The following NEB variants were observed in gnomAD, a reference collection of about 807,000 sequenced individuals.
NEB encodes the protein nebulin.
NEB carries 512 observed loss-of-function variants against 952.2 expected under a neutral mutation model. That is an observed-to-expected ratio of 0.54 (90% CI 0.50 to 0.58). The LOEUF (loss-of-function observed/expected upper bound fraction) is 0.58, where lower values mean the gene tolerates loss of function less well. Among genes scored for constraint, NEB ranks in the 20% least tolerant of loss-of-function variants. NEB has a pLI of 0.00. For missense variants in NEB, 8,428 were observed against 9,231.1 expected, an observed-to-expected ratio of 0.91 and a Z score of 3.56; for synonymous variants, 2,900 against 3,149.8, an observed-to-expected ratio of 0.92 and a Z score of 2.66.
chr2:151,520,224 A>G (rs563513307), intron 153 of NEB, among the ~76,000 whole-genome samples: 1 of 152,174 alleles, frequency 6.6e-6, no homozygotes, highest in African/African-American at 2.4e-5. Flanking sequence ...AATTAGGAGA[A>G]TTTATTGTTA....
Position 151,678,095 on chromosome 2 carries a change from G to A in NEB, c.3348C>T (p.Asn1116=), listed in dbSNP as rs149162847. Residue 1116 remains asparagine (N), a synonymous_variant, in exon 33 of 182, where the codon AAC becomes AAT. Coordinates refer to ENST00000397345, the MANE Select transcript of NEB (RefSeq NM_001164508.2). ...QDDPKLVHYM[N]VAKIQSDREY... ...CCCGATCTGATTGTATCTTGGCCAC[G>A]TTCATATAATGAACCAGTTTAGGGT... The A allele has an allele frequency of 8.1e-4, 1,306 of 1,613,634 alleles. 13 individuals are homozygous for A. The East Asian group carries it at 0.026, about 32-fold the overall frequency.
At chr2:151,560,035 G>A (rs779173202) in intron 124 of NEB, among the ~76,000 whole-genome samples, 2 of 152,136 alleles carry the variant, frequency 1.3e-5, no homozygotes, top group Non-Finnish European at 2.9e-5. Flanking sequence ...GTTAGAGGAT[G>A]TATGATCTTC....
rs371102558 is a variant in NEB, at chr2:151,610,844, T to C, written c.11828A>G (p.Asp3943Gly). Residue 3943 changes from aspartate to glycine, a missense_variant, in exon 79 of 182, where the codon GAT (aspartate) becomes GGT (glycine). Around this residue, in one of 11 missense-constraint regions of NEB, gnomAD observed 337 missense variants for 297.5 expected, o/e 1.13. Coordinates refer to ENST00000397345, the MANE Select transcript of NEB (RefSeq NM_001164508.2). ...CACGTGGATGGAGGTTTTGTCAGCA[T>C]CCCAAGCTTCTGTGTATAAATGCTA... ...MSKHLYTEAW[D>G]ADKTSIHVMP... 12 of 1,597,928 alleles carry C rather than the reference T, an allele frequency of 7.5e-6. No homozygotes were observed. The highest frequency in any genetic ancestry group is 1.0e-5 in the Non-Finnish European group (12 of 1,171,528).
intron 28 of NEB, 89 bp downstream of exon 28, chr2:151,684,689 T>C (rs1280587914): frequency 1.6e-6 from 2 of 1,271,126 alleles, no homozygotes; most frequent in South Asian, 1.6e-5. Flanking sequence ...CAGATACCTC[T>C]AAGAAGTGCA....
rs2091373254 is a variant in NEB, at chr2:151,531,988, T to C, written c.21418-92A>G. ...CCTCTTGAAACACCAGAGTGGGAGATGGTATCTAGCTTTCTCTTTAATTCC... is the reference window on the plus strand; with the variant it reads ...CCTCTTGAAACACCAGAGTGGGAGACGGTATCTAGCTTTCTCTTTAATTCC... On this transcript the variant is annotated intron_variant, in intron 143 of 181. Coordinates refer to ENST00000397345, the MANE Select transcript of NEB (RefSeq NM_001164508.2). 8.2e-6 allele frequency: 6 copies of C among 727,426 alleles called. No individual in the cohort carries two copies. The Admixed American group carries it at 1.1e-4, about 13-fold the overall frequency. 45.1% of individuals were successfully genotyped at this position (727,426 alleles called of 1,614,324 possible). A position where few individuals can be genotyped will look rare whatever the true frequency, so the allele number is the denominator to read the frequency against.
At chr2:151,691,364 T>A (rs2099549070) in intron 23 of NEB, among the ~76,000 whole-genome samples, 1 of 152,212 alleles carries the variant, frequency 6.6e-6, no homozygotes, top group Non-Finnish European at 1.5e-5. Context: ...CCAGTCACTG[T>A]CTCACACATT....
At chr2:151,534,167 C>T (rs746524043) in intron 142 of NEB, 3 of 1,357,770 alleles carry the variant, frequency 2.2e-6, no homozygotes, top group Non-Finnish European at 3.1e-6. Flanking sequence ...TCATGAGAAA[C>T]TGGGAGCACA....
chr2:151,549,922 C>A (rs1043062849), intron 129 of NEB, among the ~76,000 whole-genome samples, 182 bp from the exon 130 acceptor site: 3 of 152,158 alleles, frequency 2.0e-5, no homozygotes, highest in African/African-American at 7.2e-5. Flanking sequence ...AGTCAGATTA[C>A]TCTTCACCTA....
At chr2:151,503,531 A>G (rs2066378054) in intron 165 of NEB, 90 bp from the exon 166 acceptor site, 2 of 786,364 alleles carry the variant, frequency 2.5e-6, no homozygotes, top group Non-Finnish European at 4.3e-6. Flanking sequence ...GGGGAAACTC[A>G]TAAAAACAAT....
chr2:151,535,725 C>G lies in NEB; in HGVS notation c.21278G>C (p.Arg7093Thr), dbSNP rs1401505228. The G allele has an allele frequency of 6.2e-7, 1 of 1,609,374 alleles. No individual in the cohort carries two copies. Among genetic ancestry groups the G allele is most frequent in the Non-Finnish European group, 8.5e-7 (1 of 1,177,454 alleles). Residue 7093 changes from arginine to threonine, a missense_variant, in exon 142 of 182, where the codon AGG becomes ACG. Physicochemically the swap from Arg to Thr is moderately conservative, Grantham distance 71. This residue lies in a region of NEB where 3,374 missense variants were observed against 3,651.5 expected (regional missense o/e 0.92). Coordinates refer to ENST00000397345, the MANE Select transcript of NEB (RefSeq NM_001164508.2). Reference sequence around the variant, plus strand: ...CAATTGAGTTGCATACTTGAAATGCCTATTGATCGGAGAGTCGGCAACATA... The same window carrying G: ...CAATTGAGTTGCATACTTGAAATGCGTATTGATCGGAGAGTCGGCAACATA... ...FKYVADSPIN[R>T]HFKYATQLMN...
At chr2:151,695,471 C>A in intron 18 of NEB, 107 bp downstream of exon 18, 1 of 785,444 alleles carries the variant, frequency 1.3e-6, no homozygotes, top group Non-Finnish European at 2.1e-6. Context: ...GTTAACAGTT[C>A]TTCTCATTTT....
intron 32 of NEB, among the ~76,000 whole-genome samples, chr2:151,678,946 A>G (rs1449323992): frequency 6.6e-6 from 1 of 152,188 alleles, no homozygotes; most frequent in African/African-American, 2.4e-5. Context: ...AATTTCAAAC[A>G]ATCAGTAAAG....
intron 109 of NEB, among the ~76,000 whole-genome samples, 172 bp from the exon 110 acceptor site, chr2:151,569,544 G>A (rs116584331): frequency 1.5e-3 from 233 of 152,246 alleles, no homozygotes; most frequent in African/African-American, 5.4e-3. Flanking sequence ...CAGGCAGTGT[G>A]ACAAACGATA....
At chr2:151,695,811 G>T in intron 17 of NEB, 129 bp from the exon 18 acceptor site, 1 of 689,414 alleles carries the variant, frequency 1.5e-6, no homozygotes. Context: ...GCTTGGGTAG[G>T]CCATCTGCAT....
At chr2:151,574,063 T>A (rs996765529) in intron 107 of NEB, among the ~76,000 whole-genome samples, 3 of 152,180 alleles carry the variant, frequency 2.0e-5, no homozygotes, top group African/African-American at 7.2e-5. Flanking sequence ...TAGCTCCGCC[T>A]CCTGGGTTTC....
At chr2:151,674,620 A>C (rs1264688457) in intron 35 of NEB, 36 bp from the exon 36 acceptor site, 1 of 1,433,904 alleles carries the variant, frequency 7.0e-7, no homozygotes, top group South Asian at 1.2e-5. Context: ...CAGCATCTGT[A>C]AGTGATTCCT....
chr2:151,638,658 T>G (rs2098805554), intron 63 of NEB, among the ~76,000 whole-genome samples: 1 of 152,150 alleles, frequency 6.6e-6, no homozygotes, highest in African/African-American at 2.4e-5. Context: ...AACCTATTTG[T>G]GGGGAGGGGT....
intron 169 of NEB, among the ~76,000 whole-genome samples, chr2:151,499,045 CTTAGACACTGAGAATG>C (rs1480772658): frequency 6.7e-6 from 1 of 149,138 alleles, no homozygotes; most frequent in Non-Finnish European, 1.5e-5. Flanking sequence ...AATGTGGATG[CTTAGACACTGAGAATG>C]TTACATTTGT....
At chr2:151,696,513 G>A in intron 17 of NEB, 124 bp downstream of exon 17, 1 of 716,862 alleles carries the variant, frequency 1.4e-6, no homozygotes, top group Non-Finnish European at 2.4e-6. Flanking sequence ...AATGTATACT[G>A]TTTAAACTTG....
Sources: allele counts gnomAD v4.1 joint callset (sites outside exome capture counted in the v4.1 genomes callset), GRCh38; gene constraint gnomAD v4.1.1; regional missense constraint gnomAD v4.1.1; transcripts MANE v1.5; gene names NCBI Gene and HGNC (gene_info 2026-07-23, HGNC 2026-07-21).